Variants in NTM observed in about 807,000 individuals in gnomAD.
The protein encoded by NTM is neurotrimin, also known as IgLON family member 2.
A neutral mutation model predicts 42.1 loss-of-function variants in NTM; 13 were observed. The observed-to-expected ratio is 0.31, with a 90% CI of 0.20 to 0.49. The LOEUF (loss-of-function observed/expected upper bound fraction) is 0.49. Among genes scored for constraint, NTM ranks in the 20% least tolerant of loss-of-function variants. The pLI, the probability that NTM is intolerant of heterozygous loss-of-function variation, is 0.99. For missense variants in NTM, 373 were observed against 452.8 expected (o/e 0.82, Z 1.60); for synonymous variants, 187 against 179.2 (o/e 1.04, Z -0.35).
chr11:131,718,734 CTCTAA>C (rs2077993928), intron 1 of NTM, among the ~76,000 whole-genome samples: 1 of 152,222 alleles, frequency 6.6e-6, no homozygotes, highest in East Asian at 1.9e-4. Context: ...ATTCTGAGCA[CTCTAA>C]TGTTCTTGAT....
chr11:131,657,847 G>A (rs2067402514), intron 1 of NTM, among the ~76,000 whole-genome samples: 1 of 152,190 alleles, frequency 6.6e-6, no homozygotes. Flanking sequence ...CAAAATGTAG[G>A]AGCAGAGTGG....
intron 2 of NTM, 142 bp downstream of exon 2, chr11:131,911,790 C>T: frequency 9.7e-7 from 1 of 1,026,150 alleles, no homozygotes; most frequent in Non-Finnish European, 1.4e-6. Context: ...TATGGCTGCG[C>T]TGGGGGCTCT....
At chr11:132,232,320 A>G (rs1436294519) in intron 4 of NTM, among the ~76,000 whole-genome samples, 1 of 152,156 alleles carries the variant, frequency 6.6e-6, no homozygotes, top group African/African-American at 2.4e-5. Context: ...GGAGGAGAGA[A>G]AGCAAAGAGT....
chr11:132,006,500 A>T (rs1213139509), intron 2 of NTM, among the ~76,000 whole-genome samples: 1 of 152,256 alleles, frequency 6.6e-6, no homozygotes, highest in African/African-American at 2.4e-5. Context: ...TTGCAAGAAC[A>T]TCGTAGGACA....
chr11:131,968,486 G>A (rs56198426), intron 2 of NTM, among the ~76,000 whole-genome samples: 4 of 152,064 alleles, frequency 2.6e-5, no homozygotes, highest in Non-Finnish European at 5.9e-5. Context: ...TCTTCCAATC[G>A]TACCCAGCAA....
intron 1 of NTM, among the ~76,000 whole-genome samples, chr11:131,900,729 A>G (rs2053031640): frequency 6.6e-6 from 1 of 152,026 alleles, no homozygotes; most frequent in South Asian, 2.1e-4. Flanking sequence ...ATTAAAAGTG[A>G]CTCGATTTCT....
At chr11:131,517,128 C>G (rs1281938357) in intron 1 of NTM, among the ~76,000 whole-genome samples, 1 of 152,210 alleles carries the variant, frequency 6.6e-6, no homozygotes, top group African/African-American at 2.4e-5. Context: ...TGTCTGACTT[C>G]TCATTGCCTA....
intron 2 of NTM, 97 bp downstream of exon 2, chr11:131,911,745 G>C: frequency 2.7e-6 from 4 of 1,471,232 alleles, no homozygotes; most frequent in Non-Finnish European, 3.7e-6. Context: ...GCCTGGGTTG[G>C]CGGAGAGGTC....
intron 4 of NTM, among the ~76,000 whole-genome samples, chr11:132,236,755 G>A (rs754642063): frequency 6.6e-6 from 1 of 152,140 alleles, no homozygotes; most frequent in Non-Finnish European, 1.5e-5. Flanking sequence ...AATTCTTTGC[G>A]CCACTCTCAC....
At chr11:131,816,854 C>CTT (rs34014260) in intron 1 of NTM, among the ~76,000 whole-genome samples, 3 of 152,212 alleles carry the variant, frequency 2.0e-5, no homozygotes, top group African/African-American at 7.2e-5. Flanking sequence ...TAGCCTAAAA[C>CTT]ACTGGGCACT....
chr11:132,250,288 C>T (rs1005765732), intron 4 of NTM, among the ~76,000 whole-genome samples: 4 of 152,148 alleles, frequency 2.6e-5, no homozygotes, highest in African/African-American at 9.7e-5. Context: ...CTCCAACAAC[C>T]CCTGTTGCTT....
chr11:131,586,285 T>G (rs2058852547), intron 1 of NTM, among the ~76,000 whole-genome samples: 1 of 152,130 alleles, frequency 6.6e-6, no homozygotes, highest in African/African-American at 2.4e-5. Flanking sequence ...TAGCCTCATG[T>G]GATCCTCTCC....
chr11:131,582,188 G>A (rs1294834479), intron 1 of NTM: 2 of 152,176 alleles, frequency 1.3e-5, no homozygotes, highest in African/African-American at 4.8e-5. Context: ...TGCTTTCAAA[G>A]CTATACTTCG....
intron 1 of NTM, among the ~76,000 whole-genome samples, chr11:131,515,527 C>T (rs1381007752): frequency 6.6e-6 from 1 of 152,184 alleles, no homozygotes; most frequent in Non-Finnish European, 1.5e-5. Flanking sequence ...GCTGGATGGA[C>T]TCCCCTGTCC....
At chr11:131,704,935 GA>G (rs759489178) in intron 1 of NTM, among the ~76,000 whole-genome samples, 2 of 151,828 alleles carry the variant, frequency 1.3e-5, no homozygotes, top group East Asian at 1.9e-4. Context: ...AGAATAAAGA[GA>G]AAAAAAGATT....
chr11:131,787,302 A>G (rs982964016), intron 1 of NTM, among the ~76,000 whole-genome samples: 9 of 150,446 alleles, frequency 6.0e-5, no homozygotes, highest in Non-Finnish European at 8.9e-5. Flanking sequence ...ATACACAAAA[A>G]TGAAAATACT....
intron 2 of NTM, among the ~76,000 whole-genome samples, chr11:132,067,819 A>G (rs1363678026): frequency 6.6e-6 from 1 of 152,178 alleles, no homozygotes; most frequent in African/African-American, 2.4e-5. Context: ...AGGGTAGCAC[A>G]TGTTTGCAAC....
At chr11:132,310,056 CAAA>C (rs71477755) in intron 5 of NTM, 53 bp from the exon 6 acceptor site, 9,780 of 1,299,116 alleles carry the variant, frequency 7.5e-3, no homozygotes, top group South Asian at 0.014. Context: ...GACTCCATCT[CAAA>C]AAAAAAAAAA....
chr11:132,169,397 G>A lies in NTM; in HGVS notation c.400+22883G>A, dbSNP rs192351964. 3.1e-3 allele frequency among the ~76,000 whole-genome samples: 413 copies of A among 134,830 alleles called. No homozygotes were observed. The Middle Eastern group carries it at 0.037, about 12-fold the overall frequency. 88.5% of individuals were successfully genotyped at this position (134,830 alleles called of 152,430 possible). On this transcript the variant is annotated intron_variant, in intron 3 of 8. Coordinates refer to ENST00000683400, the MANE Select transcript of NTM (RefSeq NM_001352005.2). ...GTCACCCAGGCTGGAGTGCAGTGGCGGGATCTCAGCTCACTGCAACTTCTG... is the reference window on the plus strand; with the variant it reads ...GTCACCCAGGCTGGAGTGCAGTGGCAGGATCTCAGCTCACTGCAACTTCTG...
Sources: allele counts gnomAD v4.1 joint callset (sites outside exome capture counted in the v4.1 genomes callset), GRCh38; gene constraint gnomAD v4.1.1; transcripts MANE v1.5; gene names NCBI Gene and HGNC (gene_info 2026-07-23, HGNC 2026-07-21).